SGCD: variants seen among roughly 807,000 people sequenced by gnomAD.
SGCD encodes the protein delta-sarcoglycan.
A neutral mutation model predicts 36.6 loss-of-function variants in SGCD; 18 were observed. That is an observed-to-expected ratio of 0.49 (90% confidence interval 0.34 to 0.73). The LOEUF is 0.73. Ranked by LOEUF, SGCD falls within the 30% of genes least tolerant of loss-of-function variation. SGCD has a pLI of 0.01. For synonymous variants in SGCD, 133 were observed against 130.6 expected, an observed-to-expected ratio of 1.02 and a Z score of -0.12; for missense variants, 387 against 346.7, an observed-to-expected ratio of 1.12 and a Z score of -0.92.
At chr5:155,993,515 T>C (rs1010188028) in intron 1 of SGCD, among the ~76,000 whole-genome samples, 36 of 151,884 alleles carry the variant, frequency 2.4e-4, no homozygotes, top group African/African-American at 7.7e-4. Flanking sequence ...AGCTAATTTT[T>C]TGTATTTTTA....
chr5:156,309,574 A>T, intron 3 of SGCD, among the ~76,000 whole-genome samples: 1 of 146,338 alleles, frequency 6.8e-6, no homozygotes. Flanking sequence ...CTTGACTTTC[A>T]TTACATCTTC....
chr5:155,967,752 C>T (rs760809407), intron 1 of SGCD, among the ~76,000 whole-genome samples: 7 of 152,022 alleles, frequency 4.6e-5, no homozygotes, highest in South Asian at 2.1e-4. Flanking sequence ...AGTGAATGGA[C>T]GATTTGCTTT....
At chr5:155,887,115 A>G (rs78236675) in intron 1 of SGCD, among the ~76,000 whole-genome samples, 12 of 152,308 alleles carry the variant, frequency 7.9e-5, no homozygotes, top group African/African-American at 2.6e-4. Context: ...TTGGGGGCGA[A>G]AATATCAGTA....
chr5:156,178,275 G>A (rs28407242), intron 3 of SGCD, among the ~76,000 whole-genome samples: 44,686 of 151,976 alleles, frequency 0.29, 7,011 homozygotes, highest in East Asian at 0.57. Flanking sequence ...TTGTGTAACT[G>A]AATCGTAACT....
intron 7 of SGCD, chr5:156,739,682 C>T (rs1364555427): frequency 6.6e-6 from 1 of 152,130 alleles, no homozygotes; most frequent in East Asian, 1.9e-4. Context: ...ACATATGTTA[C>T]AGGAAGATAT....
At position 156,314,892 on chromosome 5, in the gene SGCD, A is replaced by G. The variant is rs529131411; in HGVS notation, c.-43-14642A>G. ...AAGACTACGGATTTTTTTCAGTTAC[A>G]TTACTTTTTCCCCTAGCTTCATTGA... On this transcript the variant is annotated intron_variant, in intron 3 of 9. Coordinates refer to the SGCD transcript ENST00000517913. Among the ~76,000 whole-genome samples, 13 of 152,054 alleles carry G rather than the reference A, an allele frequency of 8.5e-5. No individual in the cohort carries two copies. The East Asian group carries it at 2.3e-3, about 27-fold the overall frequency.
At chr5:156,269,951 G>A (rs565193575) in intron 3 of SGCD, among the ~76,000 whole-genome samples, 2 of 152,274 alleles carry the variant, frequency 1.3e-5, no homozygotes, top group East Asian at 3.9e-4. Flanking sequence ...CCTTGCCTGT[G>A]CCTACAACCA....
chr5:155,902,643 GGCACCTTTATCT>G (rs1034232611), intron 1 of SGCD, among the ~76,000 whole-genome samples: 6 of 152,098 alleles, frequency 3.9e-5, no homozygotes, highest in African/African-American at 1.4e-4. Context: ...CCTTGACCTT[GGCACCTTTATCT>G]GCAACTTGGA....
At chr5:155,854,341 C>T in the SGCD span, among the ~76,000 whole-genome samples, 2 of 152,134 alleles carry the variant, frequency 1.3e-5, no homozygotes, top group Admixed American at 1.3e-4. Context: ...AGAACCACAG[C>T]TCTTAATTGT....
intron 3 of SGCD, among the ~76,000 whole-genome samples, chr5:156,411,816 C>T (rs1293724676): frequency 2.0e-5 from 3 of 152,190 alleles, no homozygotes; most frequent in East Asian, 1.9e-4. Context: ...CAGCCACATT[C>T]GGGCCTGTTG....
chr5:155,810,056 T>C, the SGCD span, among the ~76,000 whole-genome samples: 1 of 152,192 alleles, frequency 6.6e-6, no homozygotes, highest in Non-Finnish European at 1.5e-5. Flanking sequence ...GTAACAATAA[T>C]TGATGTAGGG....
intron 1 of SGCD, among the ~76,000 whole-genome samples, chr5:156,087,947 C>T (rs192120745): frequency 3.2e-4 from 48 of 152,278 alleles, no homozygotes; most frequent in Non-Finnish European, 2.1e-4. Context: ...TGTACAGTGT[C>T]CTGGCCATCC....
At chr5:156,299,126 A>G (rs1310320688) in intron 3 of SGCD, among the ~76,000 whole-genome samples, 2 of 152,194 alleles carry the variant, frequency 1.3e-5, no homozygotes, top group Admixed American at 1.3e-4. Flanking sequence ...ATATTGCAAG[A>G]GATATAGATC....
the SGCD span, among the ~76,000 whole-genome samples, chr5:155,799,125 CT>C: frequency 2.0e-5 from 3 of 152,066 alleles, no homozygotes; most frequent in African/African-American, 4.8e-5. Context: ...TGTTGGTATA[CT>C]TTTTTTCTTA....
chr5:155,821,754 G>T, the SGCD span, among the ~76,000 whole-genome samples: 1 of 152,126 alleles, frequency 6.6e-6, no homozygotes, highest in Admixed American at 6.5e-5. Flanking sequence ...ATGACAAGGA[G>T]CAATACTATT....
intron 3 of SGCD, among the ~76,000 whole-genome samples, chr5:156,471,271 G>A (rs1351764071): frequency 6.6e-6 from 1 of 152,100 alleles, no homozygotes; most frequent in Non-Finnish European, 1.5e-5. Flanking sequence ...CATGATCAGT[G>A]CCAAACAGGC....
chr5:156,034,986 T>G (rs2127576697), intron 1 of SGCD, among the ~76,000 whole-genome samples: 1 of 152,310 alleles, frequency 6.6e-6, no homozygotes, highest in Admixed American at 6.5e-5. Flanking sequence ...AATATCATAC[T>G]TTTTGGCAAT....
At chr5:156,044,888 C>T (rs1759724254) in intron 1 of SGCD, among the ~76,000 whole-genome samples, 3 of 152,098 alleles carry the variant, frequency 2.0e-5, no homozygotes, top group Non-Finnish European at 4.4e-5. Flanking sequence ...AATATACACA[C>T]ATGCACACTG....
intron 3 of SGCD, among the ~76,000 whole-genome samples, chr5:156,462,432 A>C (rs1253567502): frequency 1.3e-5 from 2 of 152,214 alleles, no homozygotes; most frequent in African/African-American, 4.8e-5. Flanking sequence ...TCTTAGTTTA[A>C]TAACTCTTAC....
Sources: gnomAD v4.1 joint callset for allele counts (sites outside exome capture counted in the v4.1 genomes callset) on GRCh38, gnomAD v4.1.1 for gene constraint, MANE v1.5 for transcripts, NCBI Gene and HGNC (gene_info 2026-07-23, HGNC 2026-07-21) for gene names.